Variants in ZNF782 observed in about 807,000 individuals in gnomAD.
ZNF782 encodes the protein zinc finger protein 782.
In ZNF782, 12 loss-of-function variants were observed where a neutral mutation model predicts 13.0. The observed-to-expected ratio is 0.92, with a 90% CI of 0.59 to 1.50. The LOEUF is 1.50. ZNF782 is among the 40% of genes most tolerant of loss of function. The pLI is 0.00. For missense variants in ZNF782, 770 were observed against 822.9 expected (o/e 0.94, Z 0.79); for synonymous variants, 284 against 283.0 (o/e 1.00, Z -0.04).
chr9:96,931,821 A>G, the ZNF782 span: 2 of 1,612,032 alleles, frequency 1.2e-6, no homozygotes, highest in South Asian at 2.2e-5. Context: ...GGCCCAACAC[A>G]CAGGCCGCCC....
chr9:96,819,734 G>A lies in ZNF782; in HGVS notation c.289C>T (p.Gln97Ter). 1.2e-6 allele frequency: 2 copies of A among 1,610,224 alleles called. No individual in the cohort carries two copies. The highest frequency in any genetic ancestry group is 1.7e-6 in the Non-Finnish European group (2 of 1,178,710). Reference sequence around the variant, plus strand: ...AAAACTTGCAACAAATGTTTGCCTTGATTTTCTGGGCTCTTCTCTGAGATT... The same window carrying A: ...AAAACTTGCAACAAATGTTTGCCTTAATTTTCTGGGCTCTTCTCTGAGATT... ...DEISEKSPENQGKHLLQVLFT... is the reference protein window; with the variant it reads ...DEISEKSPEN Residue 97 changes from glutamine to a stop codon, truncating the protein, a stop_gained, in exon 6 of 6, where the codon CAA (glutamine) becomes TAA (stop). Transcript: ENST00000481138. LOFTEE classifies it low-confidence loss of function (END_TRUNC).
At chr9:96,917,887 CGTGTGTGTGTGTGT>C in the ZNF782 span, among the ~76,000 whole-genome samples, 56 of 121,716 alleles carry the variant, frequency 4.6e-4, no homozygotes, top group Admixed American at 1.2e-3. Context: ...CCACCCTTGG[CGTGTGTGTGTGTGT>C]GTGTGTGTGT....
At chr9:96,887,156 A>T in the ZNF782 span, among the ~76,000 whole-genome samples, 15 of 151,636 alleles carry the variant, frequency 9.9e-5, no homozygotes, top group Non-Finnish European at 1.3e-4. Context: ...TTTACTAAAA[A>T]TACAAAAATT....
At chr9:96,892,328 T>C in the ZNF782 span, 3 of 152,300 alleles carry the variant, frequency 2.0e-5, no homozygotes, top group Non-Finnish European at 2.9e-5. Context: ...ATGCACACAA[T>C]GGAACATTAC....
intron 4 of ZNF782, among the ~76,000 whole-genome samples, chr9:96,835,092 G>A (rs979346851): frequency 6.6e-6 from 1 of 152,218 alleles, no homozygotes; most frequent in Non-Finnish European, 1.5e-5. Flanking sequence ...CAGTAGCAAA[G>A]AAGGTGGCTG....
intron 3 of ZNF782, among the ~76,000 whole-genome samples, chr9:96,848,505 C>T (rs907879841): frequency 6.6e-6 from 1 of 152,302 alleles, no homozygotes; most frequent in African/African-American, 2.4e-5. Context: ...AGCAGCAATG[C>T]TATACCAACA....
At chr9:96,882,613 T>C in the ZNF782 span, among the ~76,000 whole-genome samples, 1 of 152,200 alleles carries the variant, frequency 6.6e-6, no homozygotes, top group Admixed American at 6.5e-5. Context: ...CTGTAAACTA[T>C]GGAAATATCA....
intron 3 of ZNF782, among the ~76,000 whole-genome samples, chr9:96,847,426 T>C (rs1259092264): frequency 2.0e-5 from 3 of 152,054 alleles, no homozygotes; most frequent in Non-Finnish European, 4.4e-5. Context: ...TTCAGCTAGA[T>C]TGACCAAGAA....
At chr9:96,880,589 T>G (rs932938832), upstream of ZNF782, among the ~76,000 whole-genome samples, 4 of 152,210 alleles carry the variant, frequency 2.6e-5, no homozygotes. Flanking sequence ...CAGATAACAT[T>G]GGTTGATTTT....
intron 1 of ZNF782, among the ~76,000 whole-genome samples, chr9:96,862,893 G>C (rs60389326): frequency 6.6e-6 from 1 of 152,096 alleles, no homozygotes; most frequent in South Asian, 2.1e-4. Context: ...TAATCTGGCG[G>C]CGGTGGGTGG....
At chr9:96,885,552 G>C in the ZNF782 span, among the ~76,000 whole-genome samples, 10 of 152,146 alleles carry the variant, frequency 6.6e-5, no homozygotes, top group Middle Eastern at 3.2e-3. Context: ...CAGTAGGAGA[G>C]AGAGGCACTG....
At chr9:96,925,507 G>A in the ZNF782 span, among the ~76,000 whole-genome samples, 39 of 151,900 alleles carry the variant, frequency 2.6e-4, no homozygotes, top group Admixed American at 7.2e-4. Flanking sequence ...GCGTGGTGGC[G>A]CGCACTTGTA....
chr9:96,822,770 A>G (rs1246377968), intron 5 of ZNF782, among the ~76,000 whole-genome samples: 1 of 152,092 alleles, frequency 6.6e-6, no homozygotes. Flanking sequence ...TCTAATATGC[A>G]TGTTTTTTAT....
the ZNF782 span, chr9:96,931,703 C>A: frequency 7.4e-6 from 12 of 1,611,104 alleles, no homozygotes; most frequent in African/African-American, 9.4e-5. Context: ...TCATTCACCT[C>A]TTTCCTTTGT....
the ZNF782 span, chr9:96,910,254 G>A: frequency 1.6e-6 from 1 of 629,904 alleles, no homozygotes; most frequent in Non-Finnish European, 3.0e-6. Context: ...GAAGAAAGTG[G>A]GGAGGAAGAG....
rs767848977 is a variant in ZNF782, at chr9:96,819,204, A to G, written c.819T>C (p.Phe273=). The change falls in exon 6 of 6, where the codon TTT becomes TTC. Residue 273 remains phenylalanine (F), a synonymous_variant. Transcript: ENST00000481138. ...NMNPEKSHYE[F]NDTGNCFCRI... is the part of the protein sequence containing the mutation. ...TACAGAAACAATTTCCAGTATCATTAAACTCATAGTGACTCTTCTCTGGAT... is the reference window on the plus strand; with the variant it reads ...TACAGAAACAATTTCCAGTATCATTGAACTCATAGTGACTCTTCTCTGGAT... The G allele has an allele frequency of 6.2e-7, 1 of 1,611,678 alleles. No homozygotes were observed. The highest frequency in any genetic ancestry group is 2.2e-5 in the East Asian group (1 of 44,858).
intron 5 of ZNF782, among the ~76,000 whole-genome samples, chr9:96,822,549 C>G (rs767648667): frequency 1.3e-5 from 2 of 152,152 alleles, no homozygotes; most frequent in African/African-American, 2.4e-5. Context: ...TGCTTTCCCC[C>G]TTTTTCGAAT....
chr9:96,823,297 T>G (rs1223511041), intron 5 of ZNF782, among the ~76,000 whole-genome samples: 1 of 152,230 alleles, frequency 6.6e-6, no homozygotes, highest in Non-Finnish European at 1.5e-5. Flanking sequence ...AGCACTAGTC[T>G]AGGAACTCAG....
At chr9:96,829,238 A>C (rs1172980865) in intron 4 of ZNF782, among the ~76,000 whole-genome samples, 3 of 152,000 alleles carry the variant, frequency 2.0e-5, no homozygotes, top group East Asian at 3.8e-4. Context: ...CATAAACTGG[A>C]AAAAAGAGGA....
Sources: allele counts gnomAD v4.1 joint callset (sites outside exome capture counted in the v4.1 genomes callset), GRCh38; gene constraint gnomAD v4.1.1; transcripts MANE v1.5; gene names NCBI Gene and HGNC (gene_info 2026-07-23, HGNC 2026-07-21).